The following ZNF845 variants were observed in gnomAD, a reference collection of about 807,000 sequenced individuals.
ZNF845 encodes the protein zinc finger protein 845.
Under a neutral mutation model 76.1 loss-of-function variants are expected in ZNF845, and 59 were observed. That is an observed-to-expected ratio of 0.78 (90% CI 0.63 to 0.96). The LOEUF is 0.96. ZNF845 is among the 40% of genes least tolerant of loss of function. ZNF845 has a pLI of 0.00. For synonymous variants in ZNF845, 361 were observed against 386.9 expected (o/e 0.93, Z 0.78); for missense variants, 1,045 against 1,172.8 (o/e 0.89, Z 1.59).
intron 2 of ZNF845, among the ~76,000 whole-genome samples, chr19:53,343,305 C>T (rs1164309938): frequency 6.6e-6 from 1 of 152,212 alleles, no homozygotes; most frequent in Non-Finnish European, 1.5e-5. Context: ...TTGACATCTG[C>T]ATTAGAAATT....
intron 3 of ZNF845, among the ~76,000 whole-genome samples, chr19:53,348,942 C>T (rs1020501305): frequency 4.0e-5 from 6 of 150,894 alleles, no homozygotes; most frequent in South Asian, 4.2e-4. Context: ...CTGCAACCTC[C>T]ACCGCCTGGG....
At chr19:53,348,671 A>G (rs1295178023) in intron 3 of ZNF845, among the ~76,000 whole-genome samples, 2 of 152,048 alleles carry the variant, frequency 1.3e-5, no homozygotes, top group Admixed American at 6.6e-5. Context: ...GTTATATACA[A>G]TGTTTTCTCT....
chr19:53,344,610 T>G (rs1342314985), intron 2 of ZNF845, among the ~76,000 whole-genome samples: 4 of 129,580 alleles, frequency 3.1e-5, no homozygotes, highest in African/African-American at 8.9e-5. Flanking sequence ...TTTTATTTAT[T>G]TTATTTTATT....
At chr19:53,350,167 C>CTTACT (rs10683937) in intron 3 of ZNF845, among the ~76,000 whole-genome samples, 128,886 of 151,684 alleles carry the variant, frequency 0.85, 54,855 homozygotes, top group Non-Finnish European at 0.88. Flanking sequence ...GAGATGGACT[C>CTTACT]TTGTCACCCA....
At chr19:53,345,983 A>G (rs1030349009) in intron 3 of ZNF845, among the ~76,000 whole-genome samples, 2 of 151,010 alleles carry the variant, frequency 1.3e-5, no homozygotes, top group Non-Finnish European at 2.9e-5. Flanking sequence ...AGCTGGGATT[A>G]CAGGTGCCAA....
At chr19:53,334,760 T>A (rs1281877225) in intron 1 of ZNF845, among the ~76,000 whole-genome samples, 8 of 122,426 alleles carry the variant, frequency 6.5e-5, no homozygotes, top group African/African-American at 1.2e-4. Flanking sequence ...AAAAAAAAAA[T>A]TTAACTGGGC....
chr19:53,339,592 A>G lies in ZNF845; in HGVS notation c.-73-1643A>G, dbSNP rs151223040. ...TTTGAGTCTGGGAATATTTAAGCCAATGTCATTGCCAAGTCAGAAGTCTTA... is the reference window on the plus strand; with the variant it reads ...TTTGAGTCTGGGAATATTTAAGCCAGTGTCATTGCCAAGTCAGAAGTCTTA... On this transcript the variant is annotated intron_variant, in intron 1 of 3. Coordinates refer to ENST00000458035, the MANE Select transcript of ZNF845 (RefSeq NM_138374.3). 8.7e-3 allele frequency among the ~76,000 whole-genome samples: 1,326 copies of G among 152,320 alleles called. 27 individuals carry two copies. The highest frequency in any genetic ancestry group is 0.03 in the African/African-American group (1,256 of 41,582).
chr19:53,337,183 T>C (rs542434054), intron 1 of ZNF845: 1 of 454,280 alleles, frequency 2.2e-6, no homozygotes, highest in Admixed American at 2.4e-5. Flanking sequence ...CCTTCCTGTC[T>C]CAGGTTGCTG....
rs568647869 is a variant in ZNF845 at position 53,353,834 on chromosome 19, C to G, written c.*246C>G. The G allele has an allele frequency of 1.4e-6, 2 of 1,414,586 alleles. No homozygotes were observed. Among genetic ancestry groups the G allele is most frequent in the East Asian group, 2.3e-5 (1 of 43,060 alleles). The allele number at this position is 1,414,586 out of a possible 1,614,324, so 87.6% of individuals were successfully genotyped here. A position where few individuals can be genotyped will look rare whatever the true frequency, so the allele number is the denominator to read the frequency against. On this transcript the variant is annotated 3_prime_UTR_variant, in exon 4 of 4. Coordinates refer to ENST00000458035, the MANE Select transcript of ZNF845 (RefSeq NM_138374.3). ...TCAGGCAATCCATGGTATAGGGAAA[C>G]TTTACTAATGTAATGATTATCACAA... is the stretch of plus-strand genomic sequence containing the variant.
At chr19:53,348,391 A>G (rs2085311050) in intron 3 of ZNF845, among the ~76,000 whole-genome samples, 2 of 152,122 alleles carry the variant, frequency 1.3e-5, no homozygotes, top group South Asian at 4.1e-4. Flanking sequence ...TCCTGGTGAG[A>G]GCATTCTTCA....
intron 1 of ZNF845, among the ~76,000 whole-genome samples, chr19:53,334,189 G>C (rs1015398394): frequency 1.3e-5 from 2 of 152,154 alleles, no homozygotes; most frequent in East Asian, 1.9e-4. Context: ...ATGCTCCCCA[G>C]GTCTCCCCAC....
chr19:53,346,313 T>A, intron 3 of ZNF845: 4 of 381,428 alleles, frequency 1.0e-5, no homozygotes, highest in South Asian at 7.2e-5. Flanking sequence ...TTGTTTATGA[T>A]GGAGTCTCAC....
At position 53,344,604 on chromosome 19, in the gene ZNF845, A is replaced by ATTTATTTTATTTATTTTATTTTATTTTAT. The variant is rs1555822544; in HGVS notation, c.16-890_16-889insATTTTATTTTATTTTATTTTATTTTATTT. Among the ~76,000 whole-genome samples, 8 of 126,940 alleles carry ATTTATTTTATTTATTTTATTTTATTTTAT rather than the reference A, an allele frequency of 6.3e-5. No homozygotes were observed. In the East Asian group the frequency reaches 9.3e-4, roughly 15 times the overall value. 83.3% of individuals were successfully genotyped at this position (126,940 alleles called of 152,430 possible). A position where few individuals can be genotyped will look rare whatever the true frequency, so the allele number is the denominator to read the frequency against. On this transcript the variant is annotated intron_variant, in intron 2 of 3. Transcript: ENST00000458035. ...CCTACATTGATTTTTATTTTATTTT[A>ATTTATTTTATTTATTTTATTTTATTTTAT]TTTATTTTATTTTATTTTATTTTAT...
Position 53,353,655 on chromosome 19 carries a change from T to G in ZNF845, c.*67T>G. The G allele has an allele frequency of 6.6e-7, 1 of 1,522,722 alleles. No individual in the cohort carries two copies. The highest frequency in any genetic ancestry group is 1.3e-5 in the South Asian group (1 of 75,446). 94.3% of individuals were successfully genotyped at this position (1,522,722 alleles called of 1,614,324 possible). On this transcript the variant is annotated 3_prime_UTR_variant, in exon 4 of 4. Coordinates refer to ENST00000458035, the MANE Select transcript of ZNF845 (RefSeq NM_138374.3). Reference sequence around the variant, plus strand: ...TCTTGAAAGACAGGAGAATTCATACTGGAGAGAAAGCTTACAAATGTAAGA... The same window carrying G: ...TCTTGAAAGACAGGAGAATTCATACGGGAGAGAAAGCTTACAAATGTAAGA...
At chr19:53,341,398 T>TC in intron 2 of ZNF845, 76 bp downstream of exon 2, 1 of 1,599,546 alleles carries the variant, frequency 6.3e-7, no homozygotes, top group Non-Finnish European at 8.6e-7. Context: ...GGGAATCTTC[T>TC]CTGAGTCTGA....
At chr19:53,335,065 C>T (rs1425131813) in intron 1 of ZNF845, among the ~76,000 whole-genome samples, 1 of 152,110 alleles carries the variant, frequency 6.6e-6, no homozygotes, top group Admixed American at 6.5e-5. Flanking sequence ...AAATTCCTAT[C>T]TATAAGACAC....
chr19:53,341,519 C>T (rs2085256957), intron 2 of ZNF845, among the ~76,000 whole-genome samples, 197 bp downstream of exon 2: 1 of 152,000 alleles, frequency 6.6e-6, no homozygotes, highest in Admixed American at 6.6e-5. Flanking sequence ...TGGGAAGAGG[C>T]CGCACTGGGC....
chr19:53,345,910 C>T (rs1227908058), intron 3 of ZNF845, among the ~76,000 whole-genome samples: 1 of 147,220 alleles, frequency 6.8e-6, no homozygotes, highest in African/African-American at 2.5e-5. Context: ...ACAAGGTCTT[C>T]CTGTGTTGTT....
In ZNF845 at chr19:53,351,931, C is replaced by T; in HGVS notation, c.1256C>T (p.Thr419Ile). The T allele has an allele frequency of 1.2e-6, 2 of 1,613,664 alleles. No individual in the cohort carries two copies. The highest frequency in any genetic ancestry group is 1.7e-6 in the Non-Finnish European group (2 of 1,179,936). ...TATAAGTGTAATGATTGTGGCAAGA[C>T]CTTCAGTCAGATGTCATCCCTTGTA... is the stretch of plus-strand genomic sequence containing the variant. ...KPYKCNDCGK[T>I]FSQMSSLVYH... The change falls in exon 4 of 4, where the codon ACC (threonine) becomes ATC (isoleucine). Residue 419 changes from threonine (T) to isoleucine (I), a missense_variant. Coordinates refer to ENST00000458035, the MANE Select transcript of ZNF845 (RefSeq NM_138374.3).
Sources: allele counts gnomAD v4.1 joint callset (sites outside exome capture counted in the v4.1 genomes callset), GRCh38; gene constraint gnomAD v4.1.1; transcripts MANE v1.5; gene names NCBI Gene and HGNC (gene_info 2026-07-23, HGNC 2026-07-21).